IGFL2: variants seen among roughly 807,000 people sequenced by gnomAD.
The protein encoded by IGFL2 is IGF like family member 2.
In IGFL2, 7 loss-of-function variants were observed where a neutral mutation model predicts 13.9. That is an observed-to-expected ratio of 0.51 (90% CI 0.29 to 0.95). The LOEUF (loss-of-function observed/expected upper bound fraction) is 0.95, where lower values mean the gene tolerates loss of function less well. IGFL2 is among the 40% of genes least tolerant of loss of function. The pLI is 0.08. For synonymous variants in IGFL2, 55 were observed against 55.8 expected, an observed-to-expected ratio of 0.99 and a Z score of 0.07; for missense variants, 138 against 147.8, an observed-to-expected ratio of 0.93 and a Z score of 0.34.
the IGFL2 span, among the ~76,000 whole-genome samples, chr19:46,167,379 C>T: frequency 6.6e-5 from 10 of 152,280 alleles, no homozygotes; most frequent in East Asian, 7.7e-4. Context: ...CAGCCAGGGT[C>T]GGAGCCTGGC....
chr19:46,082,644 T>G, the IGFL2 span, among the ~76,000 whole-genome samples: 7 of 151,836 alleles, frequency 4.6e-5, no homozygotes, highest in East Asian at 7.7e-4. Context: ...TTTTTTTTTT[T>G]GAAGACACTC....
the IGFL2 span, among the ~76,000 whole-genome samples, chr19:46,101,987 C>T: frequency 6.6e-6 from 1 of 152,248 alleles, no homozygotes; most frequent in Non-Finnish European, 1.5e-5. Context: ...AGGGCAGTAA[C>T]AGGCATAGCC....
At chr19:46,120,430 A>G in the IGFL2 span, 37 of 1,596,882 alleles carry the variant, frequency 2.3e-5, 1 homozygote, top group Admixed American at 3.4e-5. Flanking sequence ...CTACAAAAGC[A>G]ATTTTAACAA....
intron 1 of IGFL2, among the ~76,000 whole-genome samples, chr19:46,158,505 G>A (rs1185863104): frequency 5.6e-5 from 8 of 143,720 alleles, no homozygotes; most frequent in South Asian, 2.5e-4. Context: ...CACCACGCCC[G>A]GCCTGATTGC....
chr19:46,185,241 C>A, the IGFL2 span, among the ~76,000 whole-genome samples: 1 of 152,066 alleles, frequency 6.6e-6, no homozygotes, highest in African/African-American at 2.4e-5. Context: ...TTTTCTACCC[C>A]CCTCCCTCTC....
the IGFL2 span, among the ~76,000 whole-genome samples, chr19:46,170,538 A>T: frequency 6.6e-6 from 1 of 152,210 alleles, no homozygotes. Context: ...AACAAGGGAG[A>T]TAACCTTAAA....
the IGFL2 span, chr19:46,137,009 A>G: frequency 1.3e-6 from 2 of 1,575,924 alleles, no homozygotes; most frequent in African/African-American, 1.3e-5. Context: ...AGAGAAAGGG[A>G]CATCTTTCAA....
the IGFL2 span, among the ~76,000 whole-genome samples, chr19:46,183,363 A>C: frequency 5.3e-5 from 8 of 152,002 alleles, no homozygotes; most frequent in East Asian, 1.6e-3. Context: ...AGACTCTCCC[A>C]GTTTCCATTC....
At chr19:46,211,057 A>G in the IGFL2 span, among the ~76,000 whole-genome samples, 2 of 152,336 alleles carry the variant, frequency 1.3e-5, no homozygotes, top group Non-Finnish European at 2.9e-5. Flanking sequence ...TCCAAGCAAT[A>G]GCTCTGAATG....
chr19:46,195,688 C>T, the IGFL2 span: 8 of 152,300 alleles, frequency 5.3e-5, no homozygotes, highest in Non-Finnish European at 1.0e-4. Context: ...CTGGGAGACA[C>T]TAGAGCTCAC....
At chr19:46,086,365 C>G in the IGFL2 span, among the ~76,000 whole-genome samples, 1 of 151,956 alleles carries the variant, frequency 6.6e-6, no homozygotes, top group Admixed American at 6.6e-5. Flanking sequence ...CGCTCTGTCT[C>G]CCAGGTTGGA....
At chr19:46,162,257 G>A (rs537727252), downstream of IGFL2, among the ~76,000 whole-genome samples, 1 of 152,298 alleles carries the variant, frequency 6.6e-6, no homozygotes, top group South Asian at 2.1e-4. Context: ...AAAATCTGAT[G>A]ATTATGTGTC....
At chr19:46,081,348 A>G in the IGFL2 span, among the ~76,000 whole-genome samples, 1 of 152,232 alleles carries the variant, frequency 6.6e-6, no homozygotes, top group Non-Finnish European at 1.5e-5. Flanking sequence ...TTTTTCACTC[A>G]GCTTCCTCTA....
chr19:46,170,347 TTA>T, the IGFL2 span, among the ~76,000 whole-genome samples: 5 of 152,232 alleles, frequency 3.3e-5, no homozygotes, highest in Admixed American at 3.3e-4. Context: ...ATCAATACTC[TTA>T]TAATTTCCTA....
the IGFL2 span, among the ~76,000 whole-genome samples, chr19:46,205,892 G>T: frequency 1.3e-5 from 2 of 152,156 alleles, no homozygotes; most frequent in Non-Finnish European, 2.9e-5. Context: ...GGGCTTGAGT[G>T]GTTTGAACGT....
At chr19:46,168,791 A>G in the IGFL2 span, among the ~76,000 whole-genome samples, 1 of 152,314 alleles carries the variant, frequency 6.6e-6, no homozygotes, top group South Asian at 2.1e-4. Flanking sequence ...TTCTACTTAT[A>G]TAATTTTGCT....
At chr19:46,200,688 A>T in the IGFL2 span, 1 of 151,838 alleles carries the variant, frequency 6.6e-6, no homozygotes, top group East Asian at 1.9e-4. Context: ...GCTTTTAAAA[A>T]AAAAAAAACT....
At chr19:46,135,268 C>G in the IGFL2 span, among the ~76,000 whole-genome samples, 2 of 152,184 alleles carry the variant, frequency 1.3e-5, no homozygotes, top group Admixed American at 6.5e-5. Context: ...ATGTCCACTT[C>G]CTGCTCCAGG....
chr19:46,080,463 G>GT, the IGFL2 span, among the ~76,000 whole-genome samples: 1 of 152,202 alleles, frequency 6.6e-6, no homozygotes, highest in Non-Finnish European at 1.5e-5. Context: ...ATTAAATTCT[G>GT]TGAGTCATGG....
Sources: gnomAD v4.1 joint callset for allele counts (sites outside exome capture counted in the v4.1 genomes callset) on GRCh38, gnomAD v4.1.1 for gene constraint, MANE v1.5 for transcripts, NCBI Gene and HGNC (gene_info 2026-07-23, HGNC 2026-07-21) for gene names.